MYOM3: variants seen among roughly 807,000 people sequenced by gnomAD.
MYOM3 encodes myomesin-3.
A neutral mutation model predicts 191.7 loss-of-function variants in MYOM3; 155 were observed. The observed-to-expected ratio is 0.81, with a 90% CI of 0.71 to 0.92. The LOEUF (loss-of-function observed/expected upper bound fraction) is 0.92. Ranked by LOEUF, MYOM3 falls within the 40% of genes least tolerant of loss-of-function variation. The pLI is 0.00. For missense variants in MYOM3, 1,889 were observed against 1,890.6 expected (o/e 1.00, Z 0.02); for synonymous variants, 757 against 762.9 (o/e 0.99, Z 0.13).
intron 17 of MYOM3, 115 bp downstream of exon 17, chr1:24,082,478 G>T: frequency 7.3e-7 from 1 of 1,361,378 alleles, no homozygotes; most frequent in Non-Finnish European, 9.7e-7. Context: ...GTTTCCCTCA[G>T]AGGGCGTATG....
chr1:24,072,383 T>C (rs1342909593), intron 23 of MYOM3, among the ~76,000 whole-genome samples: 2 of 152,192 alleles, frequency 1.3e-5, no homozygotes, highest in Non-Finnish European at 2.9e-5. Flanking sequence ...CTGGTCACTC[T>C]AGGACCACTG....
At chr1:24,074,980 G>A (rs899050823) in intron 22 of MYOM3, among the ~76,000 whole-genome samples, 1 of 152,212 alleles carries the variant, frequency 6.6e-6, no homozygotes, top group Non-Finnish European at 1.5e-5. Context: ...AGGAGGCTGA[G>A]GCGGGAGGAT....
At position 24,063,701 on chromosome 1, in the gene MYOM3, C is replaced by G. The variant is rs915664748; in HGVS notation, c.3623-171G>C. On this transcript the variant is annotated intron_variant, in intron 30 of 36. Transcript: ENST00000374434. The surrounding 1 kb of genome is among the most constrained non-coding windows in gnomAD (Gnocchi z 4.5). The stretch of plus-strand genomic sequence containing the variant: ...TGGGGATAGGAGGGGGTTCAGGGCA[C>G]TCAGCAATGGGGTGGGCAGAAGGGC... Among the ~76,000 whole-genome samples, 1 of 152,016 alleles carries G rather than the reference C, an allele frequency of 6.6e-6. No individual in the cohort carries two copies. Among genetic ancestry groups the G allele is most frequent in the Non-Finnish European group, 1.5e-5 (1 of 67,996 alleles).
In MYOM3 at chr1:24,061,990, G is replaced by A. The variant is rs1275475270; in HGVS notation, c.3890C>T (p.Ala1297Val). 6.2e-7 allele frequency: 1 copy of A among 1,614,210 alleles called. No individual in the cohort carries two copies. Among genetic ancestry groups the A allele is most frequent in the African/African-American group, 1.3e-5 (1 of 75,032 alleles). The change falls in exon 33 of 37, where the codon GCA becomes GTA. Residue 1297 changes from alanine (A) to valine (V), a missense_variant. Ala to Val is a moderately conservative substitution (Grantham distance 64). Coordinates refer to ENST00000374434, the MANE Select transcript of MYOM3 (RefSeq NM_152372.4). ...DKGKYTLEIA[A>V]GKEVRQLSTD... ...TGAGAGCTGCCGGACTTCCTTCCCT[G>A]CAGCTATTTCCAGAGTGTATTTGCC...
rs79620625 is a variant in MYOM3, at chr1:24,057,708, T to A, written c.4051-81A>T. On this transcript the variant is annotated intron_variant, in intron 36 of 36. Transcript: ENST00000374434. ...ATTTGCTTTCATGCCCCCAGAGAGC[T>A]CCCAGCTCAGGTTGCTCCCTGTGAT... 3.5e-5 allele frequency: 45 copies of A among 1,304,050 alleles called. No homozygotes were observed. In the East Asian group the frequency reaches 8.1e-4, roughly 24 times the overall value. 80.8% of individuals were successfully genotyped at this position (1,304,050 alleles called of 1,614,324 possible). A position where few individuals can be genotyped will look rare whatever the true frequency, so the allele number is the denominator to read the frequency against.
chr1:24,090,739 A>C, intron 12 of MYOM3, 58 bp downstream of exon 12: 8 of 1,559,888 alleles, frequency 5.1e-6, no homozygotes, highest in Non-Finnish European at 6.2e-6. Flanking sequence ...TGTGTGAGAC[A>C]GTCCTGAGGG....
chr1:24,061,727 G>C (rs1408632235), intron 33 of MYOM3, among the ~76,000 whole-genome samples: 1 of 152,000 alleles, frequency 6.6e-6, no homozygotes, highest in Non-Finnish European at 1.5e-5. Context: ...ATATAGGCAG[G>C]CGTCACCATG....
At chr1:24,095,395 A>C in intron 8 of MYOM3, 47 bp downstream of exon 8, 1 of 1,574,910 alleles carries the variant, frequency 6.3e-7, no homozygotes, top group Non-Finnish European at 8.7e-7. Flanking sequence ...CGGGGAGCAA[A>C]GCCTGAACAA....
At chr1:24,075,602 G>T in intron 21 of MYOM3, 127 bp from the exon 22 acceptor site, 1 of 983,012 alleles carries the variant, frequency 1.0e-6, no homozygotes, top group Non-Finnish European at 1.4e-6. Flanking sequence ...CCTTGCTGTG[G>T]CTGCCAAGGC....
At position 24,106,091 on chromosome 1, in the gene MYOM3, G is replaced by A; in HGVS notation, c.403-14C>T. 1 of 1,602,828 alleles carries A rather than the reference G, an allele frequency of 6.2e-7. No homozygotes were observed. The highest frequency in any genetic ancestry group is 1.1e-5 in the South Asian group (1 of 89,924). ...CTTCTCCTCTGTCTGGAGGCGGGAA[G>A]AGGTGTATGACGCTGTGAGCCAGGG... On this transcript the variant is annotated splice_polypyrimidine_tract_variant and intron_variant, in intron 4 of 36. Coordinates refer to ENST00000374434, the MANE Select transcript of MYOM3 (RefSeq NM_152372.4).
At position 24,097,945 on chromosome 1, in the gene MYOM3, G is replaced by C; in HGVS notation, c.723C>G (p.Ser241=). 9 of 1,613,732 alleles carry C rather than the reference G, an allele frequency of 5.6e-6. No homozygotes were observed. The highest frequency in any genetic ancestry group is 7.6e-6 in the Non-Finnish European group (9 of 1,179,584). ...RVKNAHGQAS[S]FAKVLVRTYL... is the part of the protein sequence containing the mutation. Reference sequence around the variant, plus strand: ...TACTGCGGACGAGGACTTTGGCGAAGGAGGAGGCCTGGCCGTGGGCGTTCT... The same window carrying C: ...TACTGCGGACGAGGACTTTGGCGAACGAGGAGGCCTGGCCGTGGGCGTTCT... The change falls in exon 7 of 37, where the codon TCC becomes TCG. Residue 241 remains serine, a synonymous_variant. Transcript: ENST00000374434.
chr1:24,084,518 C>T lies in MYOM3; in HGVS notation c.1920G>A (p.Val640=). The T allele has an allele frequency of 6.2e-7, 1 of 1,614,214 alleles. No individual in the cohort carries two copies. Among genetic ancestry groups the T allele is most frequent in the African/African-American group, 1.3e-5 (1 of 75,048 alleles). Residue 640 remains valine, a synonymous_variant, in exon 16 of 37, where the codon GTG becomes GTA. Transcript: ENST00000374434. ...LLGYYIYSRK[V]GTSEWQTVNN... is the part of the protein sequence containing the mutation. ...TAACTGTTTGCCACTCAGATGTCCCCACCTTCCGGGAGTAGATGTAATAAC... is the reference window on the plus strand; with the variant it reads ...TAACTGTTTGCCACTCAGATGTCCCTACCTTCCGGGAGTAGATGTAATAAC...
intron 29 of MYOM3, among the ~76,000 whole-genome samples, chr1:24,064,907 C>T (rs1643415373): frequency 6.6e-6 from 1 of 152,176 alleles, no homozygotes; most frequent in Admixed American, 6.5e-5. Context: ...CTCAGCCAAA[C>T]CTAGGGTGGG....
At chr1:24,082,865 C>T in intron 16 of MYOM3, 151 bp from the exon 17 acceptor site, 2 of 904,276 alleles carry the variant, frequency 2.2e-6, no homozygotes, top group Non-Finnish European at 1.6e-6. Context: ...GCCCTTGATC[C>T]CATGGCAATG....
At chr1:24,092,798 G>T in intron 10 of MYOM3, 149 bp downstream of exon 10, 2 of 790,454 alleles carry the variant, frequency 2.5e-6, no homozygotes, top group Non-Finnish European at 1.9e-6. Context: ...GGGGAGTCTT[G>T]GAGACCCCAA....
rs760573544 is a variant in MYOM3, at chr1:24,067,352, CTTTCTT to C, written c.3356-270_3356-265del. Among the ~76,000 whole-genome samples, 24 of 51,218 alleles carry C rather than the reference CTTTCTT, an allele frequency of 4.7e-4. 3 individuals carry two copies. Among genetic ancestry groups the C allele is most frequent in the African/African-American group, 1.3e-3 (22 of 16,696 alleles). 33.6% of individuals were successfully genotyped at this position (51,218 alleles called of 152,430 possible). A position where few individuals can be genotyped will look rare whatever the true frequency, so the allele number is the denominator to read the frequency against. ...TCTTTCTTTCTTTCTTTCTTTCTTT[CTTTCTT>C]TCTTTCTTTCTTTCCTTCTTTCTTT... On this transcript the variant is annotated intron_variant, in intron 27 of 36. Transcript: ENST00000374434.
At chr1:24,106,315 C>T (rs911659745) in intron 4 of MYOM3, among the ~76,000 whole-genome samples, 9 of 152,212 alleles carry the variant, frequency 5.9e-5, no homozygotes, top group African/African-American at 2.2e-4. Flanking sequence ...CCTCAGTGTC[C>T]TTATTGGTAA....
intron 10 of MYOM3, 55 bp downstream of exon 10, chr1:24,092,892 C>CAG (rs1332176620): frequency 9.2e-6 from 13 of 1,419,912 alleles, no homozygotes; most frequent in Middle Eastern, 2.2e-4. Flanking sequence ...AAACAAGGGG[C>CAG]AGAGCCCTGG....
intron 5 of MYOM3, among the ~76,000 whole-genome samples, chr1:24,105,478 C>T (rs868854364): frequency 2.0e-5 from 3 of 152,244 alleles, no homozygotes; most frequent in Non-Finnish European, 4.4e-5. Flanking sequence ...CATCCTCAAC[C>T]CTGGAGACGC....
Sources: gnomAD v4.1 joint callset for allele counts (sites outside exome capture counted in the v4.1 genomes callset) on GRCh38, gnomAD v4.1.1 for gene constraint, Gnocchi (gnomAD v3.1) non-coding constraint, MANE v1.5 for transcripts, NCBI Gene and HGNC (gene_info 2026-07-23, HGNC 2026-07-21) for gene names.